The following ATG7 variants were observed in gnomAD, a reference collection of about 807,000 sequenced individuals.
ATG7 encodes autophagy related 7.
ATG7 carries 70 observed loss-of-function variants against 82.4 expected under a neutral mutation model. The ratio of observed to expected loss-of-function variants is 0.85; its 90% confidence interval spans 0.70 to 1.04. ATG7 has a LOEUF of 1.04. ATG7 is among the 50% of genes least tolerant of loss of function. ATG7 has a pLI of 0.00. For synonymous variants in ATG7, 287 were observed against 313.0 expected (o/e 0.92, Z 0.88); for missense variants, 792 against 864.3 (o/e 0.92, Z 1.05).
At chr3:11,273,181 T>A (rs1185136149) in intron 1 of ATG7, among the ~76,000 whole-genome samples, 1 of 152,208 alleles carries the variant, frequency 6.6e-6, no homozygotes, top group Non-Finnish European at 1.5e-5. Context: ...GGCAACTCAG[T>A]TTTTACAAAA....
chr3:11,274,436 C>CT (rs1278169227), intron 1 of ATG7, among the ~76,000 whole-genome samples: 3 of 152,074 alleles, frequency 2.0e-5, no homozygotes, highest in Admixed American at 2.0e-4. Flanking sequence ...GGAGGTGCTG[C>CT]TTTAGCCAAG....
chr3:11,569,001 G>C, the ATG7 span: 1 of 1,023,394 alleles, frequency 9.8e-7, no homozygotes, highest in Non-Finnish European at 1.2e-6. Context: ...CCATCATCCA[G>C]GACAGAGCTT....
At chr3:11,554,703 T>G in intron 20 of ATG7, 108 bp from the exon 21 acceptor site, 1 of 1,311,650 alleles carries the variant, frequency 7.6e-7, no homozygotes, top group Non-Finnish European at 1.1e-6. Context: ...AACAAGGGAG[T>G]GGTTCTGCAG....
At chr3:11,360,481 C>A in intron 15 of ATG7, 100 bp from the exon 16 acceptor site, 2 of 1,238,430 alleles carry the variant, frequency 1.6e-6, no homozygotes, top group South Asian at 1.5e-5. Flanking sequence ...CACTTACATG[C>A]AAAAAATAAA....
chr3:11,387,145 T>C (rs1369554100), intron 19 of ATG7, among the ~76,000 whole-genome samples: 1 of 152,222 alleles, frequency 6.6e-6, no homozygotes, highest in East Asian at 1.9e-4. Context: ...TCTCCTGAGA[T>C]ACATGCAGCC....
intron 9 of ATG7, among the ~76,000 whole-genome samples, chr3:11,324,914 A>G (rs568171070): frequency 6.6e-6 from 1 of 152,346 alleles, no homozygotes; most frequent in East Asian, 1.9e-4. Context: ...GTACAGTCAC[A>G]TGCCACATGA....
At chr3:11,519,623 G>A (rs893842258) in intron 20 of ATG7, among the ~76,000 whole-genome samples, 8 of 131,676 alleles carry the variant, frequency 6.1e-5, no homozygotes, top group African/African-American at 1.7e-4. Flanking sequence ...GCAGTGGGGC[G>A]ATCTTGGCTC....
At chr3:11,472,789 G>C (rs780104509) in intron 20 of ATG7, among the ~76,000 whole-genome samples, 19 of 152,226 alleles carry the variant, frequency 1.2e-4, no homozygotes, top group Non-Finnish European at 2.5e-4. Flanking sequence ...TTTGTGATTG[G>C]TCTGATAGCT....
chr3:11,377,346 A>T, intron 18 of ATG7, among the ~76,000 whole-genome samples: 1 of 152,204 alleles, frequency 6.6e-6, no homozygotes, highest in Non-Finnish European at 1.5e-5. Flanking sequence ...TTTCCTAGTA[A>T]AGAACTGTCT....
At chr3:11,290,569 C>T in intron 3 of ATG7, 1 of 362,854 alleles carries the variant, frequency 2.8e-6, no homozygotes, top group Non-Finnish European at 5.5e-6. Context: ...CCTGGTACTT[C>T]CAGCCAACCT....
chr3:11,491,741 A>G (rs1477516411), intron 20 of ATG7, among the ~76,000 whole-genome samples: 1 of 152,226 alleles, frequency 6.6e-6, no homozygotes, highest in Non-Finnish European at 1.5e-5. Flanking sequence ...GGTCCAGTCC[A>G]GACCCTGTTT....
chr3:11,348,171 C>G, intron 14 of ATG7, 136 bp downstream of exon 14: 1 of 1,206,680 alleles, frequency 8.3e-7, no homozygotes, highest in Non-Finnish European at 1.1e-6. Flanking sequence ...GTGGCTGAAC[C>G]TCTGTTTCCT....
intron 19 of ATG7, among the ~76,000 whole-genome samples, chr3:11,422,050 G>A (rs1394215358): frequency 6.6e-6 from 1 of 152,222 alleles, no homozygotes; most frequent in Non-Finnish European, 1.5e-5. Flanking sequence ...TTCGGTTATA[G>A]AGCACAGGCA....
intron 20 of ATG7, among the ~76,000 whole-genome samples, chr3:11,500,340 C>T (rs2443709): frequency 0.53 from 80,242 of 151,926 alleles, 22,172 homozygotes; most frequent in East Asian, 0.66. Context: ...AATTGATGAA[C>T]CTTCTTAGTT....
intron 19 of ATG7, among the ~76,000 whole-genome samples, chr3:11,413,614 C>A (rs963132997): frequency 2.0e-5 from 3 of 152,122 alleles, no homozygotes; most frequent in Non-Finnish European, 4.4e-5. Flanking sequence ...AGCAAAGTAG[C>A]AGAATGCAAA....
downstream of ATG7, among the ~76,000 whole-genome samples, chr3:11,561,759 A>G (rs2073027602): frequency 6.6e-6 from 1 of 151,988 alleles, no homozygotes. Flanking sequence ...GGCCAGTATG[A>G]GCCCTGTCAC....
intron 19 of ATG7, among the ~76,000 whole-genome samples, chr3:11,384,251 T>C (rs1160737463): frequency 6.6e-6 from 1 of 152,232 alleles, no homozygotes; most frequent in Non-Finnish European, 1.5e-5. Context: ...CACAATTCTA[T>C]TACTCACAAC....
chr3:11,327,938 T>C (rs368428666), intron 9 of ATG7, among the ~76,000 whole-genome samples: 1 of 152,238 alleles, frequency 6.6e-6, no homozygotes, highest in Non-Finnish European at 1.5e-5. Flanking sequence ...TGCTGGGGCA[T>C]GGACCACATT....
chr3:11,321,634 C>T (rs1429668151), intron 9 of ATG7, among the ~76,000 whole-genome samples: 1 of 152,098 alleles, frequency 6.6e-6, no homozygotes, highest in East Asian at 1.9e-4. Flanking sequence ...CTGCTCAGCT[C>T]ACAATGTGTT....
Sources: gnomAD v4.1 joint callset for allele counts (sites outside exome capture counted in the v4.1 genomes callset) on GRCh38, gnomAD v4.1.1 for gene constraint, MANE v1.5 for transcripts, NCBI Gene and HGNC (gene_info 2026-07-23, HGNC 2026-07-21) for gene names.